Variants in CADM2 observed in about 807,000 individuals in gnomAD.
CADM2 encodes cell adhesion molecule 2, also known as immunoglobulin superfamily member 4D.
In CADM2, 12 loss-of-function variants were observed where a neutral mutation model predicts 49.8. The ratio of observed to expected loss-of-function variants is 0.24; its 90% CI spans 0.15 to 0.39. The LOEUF (loss-of-function observed/expected upper bound fraction) is 0.39. Ranked by LOEUF, CADM2 falls within the 10% of genes least tolerant of loss-of-function variation. The probability of loss-of-function intolerance (pLI) is 1.00; values close to 1 mark genes in which losing one functional copy is unlikely to be tolerated. For synonymous variants in CADM2, 214 were observed against 175.4 expected, an observed-to-expected ratio of 1.22 and a Z score of -1.74; for missense variants, 378 against 492.3, an observed-to-expected ratio of 0.77 and a Z score of 2.20.
chr3:85,091,009 C>G (rs2037575229), intron 1 of CADM2, among the ~76,000 whole-genome samples: 1 of 152,124 alleles, frequency 6.6e-6, no homozygotes, highest in Non-Finnish European at 1.5e-5. Context: ...AAATGAATAT[C>G]ACTAGCAGCC....
chr3:85,213,204 C>T (rs1397222321), intron 1 of CADM2, among the ~76,000 whole-genome samples: 2 of 151,934 alleles, frequency 1.3e-5, no homozygotes, highest in Non-Finnish European at 2.9e-5. Flanking sequence ...TCTTATTGGT[C>T]ATGAATGTAG....
At chr3:85,125,503 C>T (rs1365029417) in intron 1 of CADM2, among the ~76,000 whole-genome samples, 1 of 151,996 alleles carries the variant, frequency 6.6e-6, no homozygotes, top group African/African-American at 2.4e-5. Context: ...GGACTACAGG[C>T]GTGCACCACC....
intron 1 of CADM2, among the ~76,000 whole-genome samples, chr3:85,435,872 G>GT (rs1360177875): frequency 2.0e-5 from 3 of 151,392 alleles, no homozygotes; most frequent in Middle Eastern, 3.4e-3. Flanking sequence ...GGGGTCGTTT[G>GT]TTTTTTTTCT....
At chr3:85,817,709 C>T (rs2108164548) in intron 3 of CADM2, among the ~76,000 whole-genome samples, 1 of 152,238 alleles carries the variant, frequency 6.6e-6, no homozygotes, top group Middle Eastern at 3.4e-3. Flanking sequence ...ATTGCATAAA[C>T]CAATCTCAGT....
intron 1 of CADM2, among the ~76,000 whole-genome samples, chr3:85,581,368 T>C (rs2062791181): frequency 1.3e-5 from 2 of 151,626 alleles, no homozygotes; most frequent in East Asian, 3.9e-4. Flanking sequence ...TCTCTTGTTA[T>C]ATATGTTAAA....
At chr3:85,096,822 G>A (rs1391617792) in intron 1 of CADM2, among the ~76,000 whole-genome samples, 1 of 151,984 alleles carries the variant, frequency 6.6e-6, no homozygotes, top group Non-Finnish European at 1.5e-5. Flanking sequence ...CATAATTAAT[G>A]TTTACTTTAT....
chr3:85,115,572 C>T (rs2038609951), intron 1 of CADM2, among the ~76,000 whole-genome samples: 1 of 152,158 alleles, frequency 6.6e-6, no homozygotes, highest in Non-Finnish European at 1.5e-5. Flanking sequence ...AAGATAAGCA[C>T]TTAACATTTG....
chr3:85,969,822 T>G (rs1312661670), intron 8 of CADM2, among the ~76,000 whole-genome samples: 1 of 151,186 alleles, frequency 6.6e-6, no homozygotes, highest in African/African-American at 2.4e-5. Context: ...TAAATCTGTT[T>G]CTGTCTGTCT....
intron 1 of CADM2, among the ~76,000 whole-genome samples, chr3:85,683,894 C>G (rs2066113613): frequency 6.6e-6 from 1 of 152,120 alleles, no homozygotes; most frequent in Non-Finnish European, 1.5e-5. Flanking sequence ...ATCACTATGA[C>G]CATTCAAACT....
At chr3:85,312,030 C>T (rs1403655007) in intron 1 of CADM2, among the ~76,000 whole-genome samples, 8 of 152,122 alleles carry the variant, frequency 5.3e-5, no homozygotes, top group Non-Finnish European at 7.4e-5. Flanking sequence ...ATGTGTTCTA[C>T]GGTGTGAATT....
chr3:85,664,397 T>A (rs2065501140), intron 1 of CADM2, among the ~76,000 whole-genome samples: 1 of 152,036 alleles, frequency 6.6e-6, no homozygotes, highest in Non-Finnish European at 1.5e-5. Context: ...TGATTTCGCA[T>A]TTCAAGTGTA....
chr3:85,558,539 T>C (rs1274527709), intron 1 of CADM2, among the ~76,000 whole-genome samples: 1 of 152,070 alleles, frequency 6.6e-6, no homozygotes, highest in Non-Finnish European at 1.5e-5. Flanking sequence ...CAAAATGACA[T>C]TTATGGTTCT....
chr3:85,283,480 A>T (rs2043555044), intron 1 of CADM2, among the ~76,000 whole-genome samples: 2 of 151,998 alleles, frequency 1.3e-5, no homozygotes, highest in African/African-American at 4.8e-5. Context: ...AATTTAAGAA[A>T]TAATTGTATT....
chr3:85,272,336 T>C, intron 1 of CADM2, among the ~76,000 whole-genome samples: 1 of 151,276 alleles, frequency 6.6e-6, no homozygotes, highest in East Asian at 1.9e-4. Context: ...GCATATACAA[T>C]TCGTTGTACC....
chr3:86,040,829 G>T (rs1035644465), intron 8 of CADM2, among the ~76,000 whole-genome samples: 1 of 152,168 alleles, frequency 6.6e-6, no homozygotes, highest in Non-Finnish European at 1.5e-5. Flanking sequence ...GGCAGCCAGA[G>T]AGAAAGGTCG....
chr3:85,554,543 A>C (rs993672416), intron 1 of CADM2, among the ~76,000 whole-genome samples: 7 of 152,208 alleles, frequency 4.6e-5, no homozygotes, highest in African/African-American at 1.4e-4. Flanking sequence ...TTTCAAAATC[A>C]GCATTAAGTA....
At chr3:85,292,584 ACTAT>A (rs1224326897) in intron 1 of CADM2, among the ~76,000 whole-genome samples, 7 of 152,072 alleles carry the variant, frequency 4.6e-5, no homozygotes, top group Non-Finnish European at 1.0e-4. Context: ...ATTATAACAA[ACTAT>A]CTCTCAGACC....
At chr3:85,518,909 G>T (rs1365343427) in intron 1 of CADM2, among the ~76,000 whole-genome samples, 1 of 152,048 alleles carries the variant, frequency 6.6e-6, no homozygotes, top group African/African-American at 2.4e-5. Flanking sequence ...AAGATTGGAT[G>T]TCTTCACGGA....
At chr3:86,026,684 A>T (rs1030135901) in intron 8 of CADM2, among the ~76,000 whole-genome samples, 1 of 152,016 alleles carries the variant, frequency 6.6e-6, no homozygotes. Context: ...TTTCATTCTC[A>T]TGTTGTATGT....
Sources: gnomAD v4.1 joint callset for allele counts (sites outside exome capture counted in the v4.1 genomes callset) on GRCh38, gnomAD v4.1.1 for gene constraint, MANE v1.5 for transcripts, NCBI Gene and HGNC (gene_info 2026-07-23, HGNC 2026-07-21) for gene names.